CPSF2: variants seen among roughly 807,000 people sequenced by gnomAD.
The protein encoded by CPSF2 is cleavage and polyadenylation specificity factor subunit 2.
CPSF2 carries 51 observed loss-of-function variants against 84.2 expected under a neutral mutation model. The observed-to-expected ratio is 0.61, with a 90% confidence interval of 0.48 to 0.77. The LOEUF (loss-of-function observed/expected upper bound fraction) is 0.77, where lower values mean the gene tolerates loss of function less well. CPSF2 is among the 30% of genes least tolerant of loss of function. The pLI is 0.00. For synonymous variants in CPSF2, 286 were observed against 311.9 expected (o/e 0.92, Z 0.87); for missense variants, 641 against 929.4 (o/e 0.69, Z 4.03).
intron 9 of CPSF2, among the ~76,000 whole-genome samples, chr14:92,145,619 A>G (rs1415372320): frequency 6.6e-6 from 1 of 152,244 alleles, no homozygotes; most frequent in East Asian, 1.9e-4. Flanking sequence ...TCAGAAATAC[A>G]AGGTTAAAAG....
intron 6 of CPSF2, among the ~76,000 whole-genome samples, chr14:92,137,730 A>G (rs1307713113): frequency 1.3e-5 from 2 of 152,220 alleles, no homozygotes; most frequent in Non-Finnish European, 1.5e-5. Flanking sequence ...TAATGGCAAA[A>G]ATAAGTGACC....
rs371216745 is a variant in CPSF2 at position 92,157,410 on chromosome 14, G to A, written c.1596-249G>A. Among the ~76,000 whole-genome samples, 1 of 152,190 alleles carries A rather than the reference G, an allele frequency of 6.6e-6. No individual in the cohort carries two copies. The highest frequency in any genetic ancestry group is 1.5e-5 in the Non-Finnish European group (1 of 68,036). Reference sequence around the variant, plus strand: ...TAATCCCAGTTACTTGGGAGGCTGAGTCAGGAGAATCACTTGAACCTGGGA... The same window carrying A: ...TAATCCCAGTTACTTGGGAGGCTGAATCAGGAGAATCACTTGAACCTGGGA... On this transcript the variant is annotated intron_variant, in intron 12 of 15. Transcript: ENST00000298875. The surrounding 1 kb of genome is among the most constrained non-coding windows in gnomAD (Gnocchi z 4.0).
chr14:92,151,365 G>A (rs998264173), intron 9 of CPSF2, among the ~76,000 whole-genome samples: 10 of 151,608 alleles, frequency 6.6e-5, no homozygotes, highest in African/African-American at 2.4e-4. Flanking sequence ...TGCACTCATC[G>A]TAGGCAACAG....
rs368757043 is a variant in CPSF2 at position 92,159,298 on chromosome 14, G to A, written c.2121+16G>A. The A allele has an allele frequency of 9.0e-6, 14 of 1,550,466 alleles. No homozygotes were observed. The highest frequency in any genetic ancestry group is 4.5e-5 in the East Asian group (2 of 43,970). ...ACCTCATGAGGTAAAAAAAGCATGTGCTTTTTTGATTTCTTCCTGAATTTG... is the reference window on the plus strand; with the variant it reads ...ACCTCATGAGGTAAAAAAAGCATGTACTTTTTTGATTTCTTCCTGAATTTG... On this transcript the variant is annotated intron_variant, in intron 14 of 15. Transcript: ENST00000298875.
At position 92,157,773 on chromosome 14, in the gene CPSF2, C is replaced by T. The variant is rs2069309901; in HGVS notation, c.1710C>T (p.Ala570=). 6.2e-7 allele frequency: 1 copy of T among 1,613,818 alleles called. No individual in the cohort carries two copies. Among genetic ancestry groups the T allele is most frequent in the Non-Finnish European group, 8.5e-7 (1 of 1,179,890 alleles). Residue 570 remains alanine, a synonymous_variant, in exon 13 of 16, where the codon GCC becomes GCT. Coordinates refer to ENST00000298875, the MANE Select transcript of CPSF2 (RefSeq NM_017437.3). The surrounding 1 kb of genome is among the most constrained non-coding windows in gnomAD (Gnocchi z 4.0). ...TCATCGTCCATGGCCCACCAGAGGC[C>T]AGTCAAGATCTGGCAGAGTGCTGTC... The part of the protein sequence containing the change: ...QLIIVHGPPE[A]SQDLAECCRA...
intron 2 of CPSF2, among the ~76,000 whole-genome samples, chr14:92,128,526 TC>T (rs1236697956): frequency 2.0e-5 from 3 of 151,898 alleles, no homozygotes; most frequent in Non-Finnish European, 4.4e-5. Flanking sequence ...CCATATCCCA[TC>T]CCCCCGCCGG....
intron 8 of CPSF2, 117 bp from the exon 9 acceptor site, chr14:92,142,887 C>A: frequency 1.1e-6 from 1 of 884,046 alleles, no homozygotes; most frequent in Non-Finnish European, 1.7e-6. Flanking sequence ...CAAAACAGTA[C>A]AAATTTAAGC....
rs2141453307 is a variant in CPSF2 at position 92,131,130 on chromosome 14, G to A, written c.146G>A (p.Arg49Lys). 3.8e-6 allele frequency: 6 copies of A among 1,598,934 alleles called. No individual in the cohort carries two copies. The highest frequency in any genetic ancestry group is 2.3e-5 in the South Asian group (2 of 87,618). The change falls in exon 3 of 16, where the codon AGG becomes AAG. Residue 49 changes from arginine (R) to lysine (K), a missense_variant. Arg to Lys is a conservative substitution (Grantham distance 26). Transcript: ENST00000298875. ...TCTATGGATATTATTGATTCCCTGAGGAAGTAAGTTACATTTCATAATTCT... is the reference window on the plus strand; with the variant it reads ...TCTATGGATATTATTGATTCCCTGAAGAAGTAAGTTACATTTCATAATTCT... ...HFSMDIIDSL[R>K]KHVHQIDAVL...
chr14:92,123,478 A>C (rs1463768590), intron 1 of CPSF2, among the ~76,000 whole-genome samples: 1 of 151,876 alleles, frequency 6.6e-6, no homozygotes, highest in African/African-American at 2.4e-5. Flanking sequence ...AGCTCACTGC[A>C]ACTTCCGCCT....
chr14:92,158,135 A>G (rs906612579), intron 13 of CPSF2, among the ~76,000 whole-genome samples: 3 of 152,148 alleles, frequency 2.0e-5, no homozygotes, highest in African/African-American at 7.2e-5. Flanking sequence ...GGTTTAGAAA[A>G]GGTTTCCTAC....
Position 92,134,184 on chromosome 14 carries a change from T to G in CPSF2, c.309+14T>G. ...GATCTTTATCAGGTAATTTAAGCAA[T>G]TAAAAAAATTTTGTTAGCACTCCTT... is the stretch of plus-strand genomic sequence containing the variant. On this transcript the variant is annotated intron_variant, in intron 4 of 15. Coordinates refer to ENST00000298875, the MANE Select transcript of CPSF2 (RefSeq NM_017437.3). 6.2e-7 allele frequency: 1 copy of G among 1,613,224 alleles called. No individual in the cohort carries two copies. Among genetic ancestry groups the G allele is most frequent in the Non-Finnish European group, 8.5e-7 (1 of 1,179,324 alleles).
chr14:92,156,998 A>G (rs939341149), intron 12 of CPSF2, among the ~76,000 whole-genome samples: 1 of 152,132 alleles, frequency 6.6e-6, no homozygotes, highest in Non-Finnish European at 1.5e-5. Flanking sequence ...CATAAAATAT[A>G]CTCCTTAACT....
intron 9 of CPSF2, among the ~76,000 whole-genome samples, chr14:92,153,290 T>A (rs1295056236): frequency 1.3e-5 from 2 of 152,128 alleles, no homozygotes; most frequent in Non-Finnish European, 2.9e-5. Context: ...CCTTTTTAAG[T>A]ATCTTGTGCT....
chr14:92,123,036 T>TC (rs1276497458), intron 1 of CPSF2, among the ~76,000 whole-genome samples: 1 of 151,960 alleles, frequency 6.6e-6, no homozygotes, highest in Non-Finnish European at 1.5e-5. Context: ...AGAAGAGCCT[T>TC]CCCCACTCAG....
chr14:92,161,617 A>T (rs777977231), intron 15 of CPSF2, 35 bp from the exon 16 acceptor site: 1 of 1,441,146 alleles, frequency 6.9e-7, no homozygotes, highest in Non-Finnish European at 9.5e-7. Flanking sequence ...ATGAATAGAA[A>T]ATGTACTAAA....
chr14:92,137,029 AAATC>A (rs2069009198), intron 6 of CPSF2, among the ~76,000 whole-genome samples: 1 of 151,922 alleles, frequency 6.6e-6, no homozygotes, highest in Non-Finnish European at 1.5e-5. Flanking sequence ...ATAAAAAAAA[AAATC>A]AAAGTAGGAA....
At chr14:92,150,807 T>C (rs1394935487) in intron 9 of CPSF2, among the ~76,000 whole-genome samples, 1 of 152,190 alleles carries the variant, frequency 6.6e-6, no homozygotes, top group Non-Finnish European at 1.5e-5. Context: ...ATTAATACAT[T>C]GAGCCTGTCA....
At chr14:92,140,519 A>C (rs925544246) in intron 7 of CPSF2, among the ~76,000 whole-genome samples, 1 of 127,478 alleles carries the variant, frequency 7.8e-6, no homozygotes, top group Non-Finnish European at 1.6e-5. Flanking sequence ...TGCAACCTCC[A>C]CCTCCTGGGT....
intron 3 of CPSF2, 141 bp from the exon 4 acceptor site, chr14:92,133,870 A>G (rs2068966455): frequency 5.2e-6 from 4 of 771,236 alleles, no homozygotes; most frequent in South Asian, 1.7e-5. Flanking sequence ...TGAAATTCAT[A>G]GGTAATCATA....
Sources: gnomAD v4.1 joint callset for allele counts (sites outside exome capture counted in the v4.1 genomes callset) on GRCh38, gnomAD v4.1.1 for gene constraint, Gnocchi (gnomAD v3.1) non-coding constraint, MANE v1.5 for transcripts, NCBI Gene and HGNC (gene_info 2026-07-23, HGNC 2026-07-21) for gene names.